The following ZNF85 variants were observed in gnomAD, a reference collection of about 807,000 sequenced individuals.
The protein encoded by ZNF85 is zinc finger protein 85 (HPF4, HTF1).
A neutral mutation model predicts 53.9 loss-of-function variants in ZNF85; 50 were observed. That is an observed-to-expected ratio of 0.93 (90% confidence interval 0.74 to 1.17). The LOEUF (loss-of-function observed/expected upper bound fraction) is 1.17. Ranked by LOEUF, ZNF85 falls within the 50% of genes most tolerant of loss-of-function variation. The probability of loss-of-function intolerance (pLI) is 0.00; values close to 1 mark genes in which losing one functional copy is unlikely to be tolerated. For synonymous variants in ZNF85, 225 were observed against 226.1 expected (o/e 1.00, Z 0.04); for missense variants, 747 against 688.5 (o/e 1.08, Z -0.95).
At position 20,949,563 on chromosome 19, in the gene ZNF85, C is replaced by G; in HGVS notation, c.1049C>G (p.Ala350Gly). The change falls in exon 4 of 4, where the codon GCC becomes GGC. Residue 350 changes from alanine to glycine, a missense_variant. Coordinates refer to ENST00000328178, the MANE Select transcript of ZNF85 (RefSeq NM_003429.5). ...TACAAATGTAAAAAATGTGGAAAAGCCTTTAACCAGTCTGCACACCTTACC... is the reference window on the plus strand; with the variant it reads ...TACAAATGTAAAAAATGTGGAAAAGGCTTTAACCAGTCTGCACACCTTACC... ...KPYKCKKCGK[A>G]FNQSAHLTTH... 1 of 1,598,328 alleles carries G rather than the reference C, an allele frequency of 6.3e-7. No homozygotes were observed. The highest frequency in any genetic ancestry group is 8.6e-7 in the Non-Finnish European group (1 of 1,169,098).
rs1332559730 is a variant in ZNF85, at chr19:20,949,385, T to C, written c.871T>C (p.Cys291Arg). The C allele has an allele frequency of 6.2e-7, 1 of 1,609,540 alleles. No individual in the cohort carries two copies. Among genetic ancestry groups the C allele is most frequent in the Non-Finnish European group, 8.5e-7 (1 of 1,177,014 alleles). Residue 291 changes from cysteine (C) to arginine (R), a missense_variant, in exon 4 of 4, where the codon TGT (cysteine) becomes CGT (arginine). Physicochemically the swap from Cys to Arg is radical, Grantham distance 180. Transcript: ENST00000328178. ...AGAGAAACCCTACAAATGTAAAGAA[T>C]GTGGTAAAGCTTTTAACCGATCTTC... The part of the protein sequence containing the change: ...TGEKPYKCKE[C>R]GKAFNRSSTL...
At chr19:20,923,584 C>T (rs1280186443) in intron 1 of ZNF85, among the ~76,000 whole-genome samples, 181 bp downstream of exon 1, 2 of 152,164 alleles carry the variant, frequency 1.3e-5, no homozygotes, top group East Asian at 3.9e-4. Context: ...GACAGCCGGC[C>T]CGGGCGTCCT....
intron 3 of ZNF85, among the ~76,000 whole-genome samples, chr19:20,948,232 A>G (rs11085413): frequency 0.12 from 17,820 of 152,112 alleles, 1,070 homozygotes; most frequent in Non-Finnish European, 0.13. Context: ...CCTGCCTATA[A>G]TATTGCAGTC....
rs763067902 is a variant in ZNF85 at position 20,949,362 on chromosome 19, A to G, written c.848A>G (p.Glu283Gly). Residue 283 changes from glutamate (E) to glycine (G), a missense_variant, in exon 4 of 4, where the codon GAG becomes GGG. By Grantham distance (98) the Glu-to-Gly change is moderately conservative. Coordinates refer to ENST00000328178, the MANE Select transcript of ZNF85 (RefSeq NM_003429.5). ...ACCCATAAGATAATTCATACTGGAGAGAAACCCTACAAATGTAAAGAATGT... is the reference window on the plus strand; with the variant it reads ...ACCCATAAGATAATTCATACTGGAGGGAAACCCTACAAATGTAAAGAATGT... ...LTTHKIIHTG[E>G]KPYKCKECGK... 1.9e-6 allele frequency: 3 copies of G among 1,609,602 alleles called. No individual in the cohort carries two copies. The highest frequency in any genetic ancestry group is 2.5e-6 in the Non-Finnish European group (3 of 1,177,052).
chr19:20,928,072 G>C (rs1029327008), intron 1 of ZNF85: 6 of 152,022 alleles, frequency 3.9e-5, no homozygotes, highest in African/African-American at 1.5e-4. Context: ...GAGTTTGCTG[G>C]GTTCTGTGAG....
intron 3 of ZNF85, among the ~76,000 whole-genome samples, chr19:20,938,248 T>G (rs1973206258): frequency 6.6e-6 from 1 of 152,128 alleles, no homozygotes; most frequent in African/African-American, 2.4e-5. Context: ...TTTTGTATTT[T>G]TAATAGAGAC....
chr19:20,943,054 G>T, intron 3 of ZNF85: 1 of 445,548 alleles, frequency 2.2e-6, no homozygotes. Context: ...GGGATTATAG[G>T]TATGAGCCTG....
intron 1 of ZNF85, among the ~76,000 whole-genome samples, chr19:20,931,625 T>TC (rs1047248999): frequency 4.8e-5 from 7 of 146,138 alleles, no homozygotes; most frequent in Admixed American, 1.3e-4. Flanking sequence ...TTTTTCTTTT[T>TC]TTTTTTTTTT....
Position 20,949,995 on chromosome 19 carries a change from C to A in ZNF85, c.1481C>A (p.Pro494His). Residue 494 changes from proline (P) to histidine (H), a missense_variant, in exon 4 of 4, where the codon CCC (proline) becomes CAC (histidine). Coordinates refer to ENST00000328178, the MANE Select transcript of ZNF85 (RefSeq NM_003429.5). ...GAATGTGGCAAAGGTTTTAAATGGC[C>A]CTCAACCCTTACTATCCATAAGATA... ...CEECGKGFKW[P>H]STLTIHKIIH... is the part of the protein sequence containing the mutation. 6.2e-7 allele frequency: 1 copy of A among 1,612,472 alleles called. No individual in the cohort carries two copies. The highest frequency in any genetic ancestry group is 8.5e-7 in the Non-Finnish European group (1 of 1,179,506).
intron 3 of ZNF85, among the ~76,000 whole-genome samples, chr19:20,935,949 TA>T (rs1973148284): frequency 6.6e-6 from 1 of 152,170 alleles, no homozygotes; most frequent in Non-Finnish European, 1.5e-5. Flanking sequence ...AGACATAAAA[TA>T]TTTTAAAATT....
At chr19:20,941,838 A>C (rs889414897) in intron 3 of ZNF85, among the ~76,000 whole-genome samples, 7 of 152,116 alleles carry the variant, frequency 4.6e-5, no homozygotes, top group Non-Finnish European at 5.9e-5. Context: ...TTTGTTGCTC[A>C]TGCGTTTAAT....
Position 20,949,293 on chromosome 19 carries a change from G to A in ZNF85, c.779G>A (p.Cys260Tyr), listed in dbSNP as rs202170090. The A allele has an allele frequency of 1.9e-4, 305 of 1,608,786 alleles. No homozygotes were observed. The highest frequency in any genetic ancestry group is 2.5e-4 in the Non-Finnish European group (299 of 1,176,952). Residue 260 changes from cysteine (C) to tyrosine (Y), a missense_variant, in exon 4 of 4, where the codon TGT (cysteine) becomes TAT (tyrosine). By Grantham distance (194) the Cys-to-Tyr change is radical. Coordinates refer to ENST00000328178, the MANE Select transcript of ZNF85 (RefSeq NM_003429.5). ...KIHTGEKPYK[C>Y]EECGKTFNRF... ...CATACTGGAGAGAAACCCTACAAAT[G>A]TGAAGAATGTGGCAAAACTTTTAAC...
intron 3 of ZNF85, among the ~76,000 whole-genome samples, chr19:20,944,498 A>G (rs989040244): frequency 6.8e-6 from 1 of 147,558 alleles, no homozygotes; most frequent in African/African-American, 2.5e-5. Context: ...ATTTTTATAT[A>G]CTTATATATT....
intron 1 of ZNF85, among the ~76,000 whole-genome samples, chr19:20,930,975 A>C (rs558795520): frequency 2.0e-5 from 3 of 152,250 alleles, no homozygotes; most frequent in Non-Finnish European, 4.4e-5. Context: ...GCGTTTCTCC[A>C]TGTTGGTCAG....
intron 2 of ZNF85, 69 bp downstream of exon 2, chr19:20,934,219 T>C: frequency 6.4e-7 from 1 of 1,558,500 alleles, no homozygotes; most frequent in East Asian, 2.3e-5. Flanking sequence ...TTGTGGAATG[T>C]TTTTCTGGTA....
intron 3 of ZNF85, among the ~76,000 whole-genome samples, chr19:20,942,062 T>C (rs758130572): frequency 1.2e-4 from 18 of 152,192 alleles, no homozygotes. Context: ...ACAAGATCAT[T>C]TGATCATATA....
At position 20,948,764 on chromosome 19, in the gene ZNF85, CA is replaced by C. The variant is rs1568556193; in HGVS notation, c.252del (p.Asp85ThrfsTer8). 6.4e-7 allele frequency: 1 copy of C among 1,567,770 alleles called. No individual in the cohort carries two copies. Among genetic ancestry groups the C allele is most frequent in the Admixed American group, 1.9e-5 (1 of 52,628 alleles). On this transcript the variant is annotated frameshift_variant, in exon 4 of 4. Coordinates refer to ENST00000328178, the MANE Select transcript of ZNF85 (RefSeq NM_003429.5). LOFTEE classifies it high-confidence loss of function. ...KPTVMCSHFAQDLWPEQNIKD... is the reference protein window; with the variant it reads ...KPTVMCSHFAXDLWPEQNIKD... ...TTCAGTTATGTGTTCTCATTTTGCC[CA>C]AGACCTTTGGCCGGAGCAGAATATA... is the stretch of plus-strand genomic sequence containing the variant.
chr19:20,934,972 C>G lies in ZNF85; in HGVS notation c.154C>G (p.Leu52Val). The change falls in exon 3 of 4, where the codon CTG becomes GTG. Residue 52 changes from leucine (L) to valine (V), a missense_variant. Leu to Val is a conservative substitution (Grantham distance 32). Coordinates refer to ENST00000328178, the MANE Select transcript of ZNF85 (RefSeq NM_003429.5). Reference protein sequence around the residue: ...FLGITVSKPDLITCLEQGKEA... With the variant: ...FLGITVSKPDVITCLEQGKEA... ...AGGTATTACTGTTTCTAAGCCAGAC[C>G]TGATCACTTGTCTGGAGCAAGGGAA... 2 of 1,610,122 alleles carry G rather than the reference C, an allele frequency of 1.2e-6. No homozygotes were observed. Among genetic ancestry groups the G allele is most frequent in the Non-Finnish European group, 1.7e-6 (2 of 1,178,162 alleles).
At position 20,949,912 on chromosome 19, in the gene ZNF85, C is replaced by T. The variant is rs1599451996; in HGVS notation, c.1398C>T (p.Ser466=). The part of the protein sequence containing the change: ...CEKCGKAFNQ[S]SNLTRHKKSH... ...AATGTGGCAAAGCTTTTAACCAGTC[C>T]TCAAATCTTACTAGACATAAGAAAA... Residue 466 remains serine (S), a synonymous_variant, in exon 4 of 4, where the codon TCC becomes TCT. Coordinates refer to ENST00000328178, the MANE Select transcript of ZNF85 (RefSeq NM_003429.5). 6.2e-7 allele frequency: 1 copy of T among 1,612,042 alleles called. No individual in the cohort carries two copies. The highest frequency in any genetic ancestry group is 8.5e-7 in the Non-Finnish European group (1 of 1,179,020).
Sources: gnomAD v4.1 joint callset for allele counts (sites outside exome capture counted in the v4.1 genomes callset) on GRCh38, gnomAD v4.1.1 for gene constraint, MANE v1.5 for transcripts, NCBI Gene and HGNC (gene_info 2026-07-23, HGNC 2026-07-21) for gene names.